Variants in RASGRF2 observed in about 807,000 individuals in gnomAD.
RASGRF2 encodes ras-specific guanine nucleotide-releasing factor 2.
In RASGRF2, 76 loss-of-function variants were observed where a neutral mutation model predicts 151.0. The observed-to-expected ratio is 0.50, with a 90% confidence interval of 0.42 to 0.61. RASGRF2 has a LOEUF of 0.61. RASGRF2 is among the 20% of genes least tolerant of loss of function. The pLI, the probability that RASGRF2 is intolerant of heterozygous loss-of-function variation, is 0.00. For missense variants in RASGRF2, 1,148 were observed against 1,564.6 expected (o/e 0.73, Z 4.49); for synonymous variants, 504 against 566.5 (o/e 0.89, Z 1.57).
intron 17 of RASGRF2, among the ~76,000 whole-genome samples, chr5:81,138,163 T>G (rs1476407596): frequency 2.6e-5 from 4 of 152,124 alleles, no homozygotes; most frequent in Non-Finnish European, 5.9e-5. Flanking sequence ...TAGGGTGGGG[T>G]GATGGTGGGG....
At chr5:81,186,538 A>G (rs1398510781) in intron 18 of RASGRF2, among the ~76,000 whole-genome samples, 2 of 152,176 alleles carry the variant, frequency 1.3e-5, no homozygotes, top group Non-Finnish European at 2.9e-5. Flanking sequence ...AGGGTTTTAT[A>G]TATACTCTAT....
chr5:81,116,066 C>CTTTT (rs575647502), intron 15 of RASGRF2, among the ~76,000 whole-genome samples: 557 of 49,078 alleles, frequency 0.011, 152 homozygotes, highest in Non-Finnish European at 0.017. Flanking sequence ...AATGCCATTT[C>CTTTT]TTTTTTTTTT....
At chr5:81,205,638 C>T (rs1168963873) in intron 19 of RASGRF2, among the ~76,000 whole-genome samples, 4 of 152,210 alleles carry the variant, frequency 2.6e-5, no homozygotes, top group African/African-American at 9.7e-5. Flanking sequence ...AAGTAGCTTC[C>T]TCTTACTCTA....
At chr5:81,011,979 C>T (rs533133443) in intron 1 of RASGRF2, among the ~76,000 whole-genome samples, 8 of 152,152 alleles carry the variant, frequency 5.3e-5, no homozygotes, top group Non-Finnish European at 8.8e-5. Context: ...AATGCAGAAG[C>T]TCTACAACGT....
At chr5:81,193,342 C>A (rs1243064355) in intron 18 of RASGRF2, among the ~76,000 whole-genome samples, 2 of 152,084 alleles carry the variant, frequency 1.3e-5, no homozygotes, top group East Asian at 3.8e-4. Context: ...TATGATCTAG[C>A]CTCATTAATG....
At chr5:81,032,176 A>G (rs1750278568) in intron 1 of RASGRF2, among the ~76,000 whole-genome samples, 1 of 152,210 alleles carries the variant, frequency 6.6e-6, no homozygotes, top group Admixed American at 6.5e-5. Context: ...CAACCAAAAA[A>G]AGTCCAGGAC....
At chr5:81,077,554 T>G (rs545003132) in intron 5 of RASGRF2, among the ~76,000 whole-genome samples, 2 of 152,262 alleles carry the variant, frequency 1.3e-5, no homozygotes, top group South Asian at 2.1e-4. Flanking sequence ...TTTCTTTTGT[T>G]AAAAGGAAGG....
chr5:80,971,316 C>G (rs1305325511), intron 1 of RASGRF2, among the ~76,000 whole-genome samples: 1 of 152,222 alleles, frequency 6.6e-6, no homozygotes, highest in East Asian at 1.9e-4. Flanking sequence ...TTCCTATTCA[C>G]AGACTCATGA....
At chr5:81,112,521 A>G in intron 13 of RASGRF2, 89 bp from the exon 14 acceptor site, 3 of 1,537,404 alleles carry the variant, frequency 2.0e-6, no homozygotes, top group South Asian at 1.2e-5. Context: ...CCCACTCCTG[A>G]GTGTGTGATT....
intron 17 of RASGRF2, among the ~76,000 whole-genome samples, chr5:81,146,146 C>T (rs530307841): frequency 1.5e-4 from 23 of 152,258 alleles, no homozygotes; most frequent in Non-Finnish European, 2.9e-4. Context: ...TCTCTCATCA[C>T]CTGAAGTGCT....
chr5:81,025,275 C>T (rs1749978911), intron 1 of RASGRF2, among the ~76,000 whole-genome samples: 1 of 152,190 alleles, frequency 6.6e-6, no homozygotes, highest in Non-Finnish European at 1.5e-5. Flanking sequence ...TTTCTACTTG[C>T]CGTTGGTGGG....
In RASGRF2 at chr5:81,199,492, G is replaced by A. The variant is rs1755339366; in HGVS notation, c.2794-1838G>A. 5.3e-5 allele frequency among the ~76,000 whole-genome samples: 8 copies of A among 152,242 alleles called. No individual in the cohort carries two copies. In the South Asian group the frequency reaches 1.7e-3, roughly 32 times the overall value. On this transcript the variant is annotated intron_variant, in intron 18 of 26. Coordinates refer to ENST00000265080, the MANE Select transcript of RASGRF2 (RefSeq NM_006909.3). The stretch of plus-strand genomic sequence containing the variant: ...TTGTAATTAATAAGTAATCTCTGAG[G>A]TGTACTCTGACACTGTTAATTCTGT...
chr5:81,130,947 A>G (rs1461524265), intron 17 of RASGRF2, among the ~76,000 whole-genome samples: 2 of 152,144 alleles, frequency 1.3e-5, no homozygotes, highest in African/African-American at 4.8e-5. Context: ...TCCATGTTTC[A>G]GGTGCCTCTG....
At chr5:81,199,173 T>C (rs1044801041) in intron 18 of RASGRF2, among the ~76,000 whole-genome samples, 1 of 152,240 alleles carries the variant, frequency 6.6e-6, no homozygotes, top group Non-Finnish European at 1.5e-5. Flanking sequence ...TTTTAAAGCA[T>C]TCGCCTCTTG....
chr5:81,112,674 A>T lies in RASGRF2; in HGVS notation c.1903A>T (p.Lys635Ter). The change falls in exon 14 of 27, where the codon AAA becomes TAA. Residue 635 changes from lysine to a stop codon, truncating the protein, a stop_gained. Coordinates refer to ENST00000265080, the MANE Select transcript of RASGRF2 (RefSeq NM_006909.3). LOFTEE classifies it high-confidence loss of function. ...CTTCAGTAAAACACTCAACTCCTGCAAAGTGCCCCAGATCCGTTATGCCAG... is the reference window on the plus strand; with the variant it reads ...CTTCAGTAAAACACTCAACTCCTGCTAAGTGCCCCAGATCCGTTATGCCAG... Reference protein sequence around the residue: ...ICFSKTLNSCKVPQIRYASVE... With the variant: ...ICFSKTLNSC The T allele has an allele frequency of 6.2e-7, 1 of 1,614,238 alleles. No individual in the cohort carries two copies. The highest frequency in any genetic ancestry group is 8.5e-7 in the Non-Finnish European group (1 of 1,180,036).
At chr5:81,085,124 G>A (rs1462559403) in intron 7 of RASGRF2, among the ~76,000 whole-genome samples, 1 of 152,200 alleles carries the variant, frequency 6.6e-6, no homozygotes, top group African/African-American at 2.4e-5. Context: ...GTTCATGCAT[G>A]TTATTGTTAA....
chr5:81,217,458 C>A lies in RASGRF2; in HGVS notation c.3537C>A (p.Phe1179Leu), dbSNP rs779670384. 3 of 1,609,970 alleles carry A rather than the reference C, an allele frequency of 1.9e-6. No homozygotes were observed. The highest frequency in any genetic ancestry group is 2.5e-6 in the Non-Finnish European group (3 of 1,178,330). Residue 1179 changes from phenylalanine (F) to leucine (L), a missense_variant, in exon 25 of 27, where the codon TTC (phenylalanine) becomes TTA (leucine). Around this residue, in one of 5 missense-constraint regions of RASGRF2, gnomAD observed 100 missense variants for 148.2 expected, o/e 0.67. Coordinates refer to ENST00000265080, the MANE Select transcript of RASGRF2 (RefSeq NM_006909.3). ...TTACTGAGGAAGGCCTTGTCAATTT[C>A]TCCAAAATGAGAATGGTAGGTATAA... ...PNFTEEGLVN[F>L]SKMRMISHII...
At position 81,215,856 on chromosome 5, in the gene RASGRF2, G is replaced by A; in HGVS notation, c.3355-20G>A. On this transcript the variant is annotated intron_variant, in intron 23 of 26. Transcript: ENST00000265080. The stretch of plus-strand genomic sequence containing the variant: ...AACCATAGTATTTTCATCACACTAA[G>A]TTTTTTCTTTTCTTTTTAGACAAAA... The A allele has an allele frequency of 1.3e-6, 2 of 1,507,630 alleles. No homozygotes were observed. The highest frequency in any genetic ancestry group is 1.4e-5 in the South Asian group (1 of 71,410). The allele number at this position is 1,507,630 out of a possible 1,614,324, so 93.4% of individuals were successfully genotyped here. A position where few individuals can be genotyped will look rare whatever the true frequency, so the allele number is the denominator to read the frequency against.
intron 15 of RASGRF2, among the ~76,000 whole-genome samples, chr5:81,119,531 CA>C (rs1753248089): frequency 6.6e-6 from 1 of 152,194 alleles, no homozygotes; most frequent in Admixed American, 6.5e-5. Context: ...GGGGACATAT[CA>C]AATCATAGCA....
Sources: gnomAD v4.1 joint callset for allele counts (sites outside exome capture counted in the v4.1 genomes callset) on GRCh38, gnomAD v4.1.1 for gene constraint, gnomAD v4.1.1 regional missense constraint, MANE v1.5 for transcripts, NCBI Gene and HGNC (gene_info 2026-07-23, HGNC 2026-07-21) for gene names.